Variants in CFAP299 observed in about 807,000 individuals in gnomAD.
CFAP299 encodes cilia- and flagella-associated protein 299.
Under a neutral mutation model 27.0 loss-of-function variants are expected in CFAP299, and 21 were observed. That is an observed-to-expected ratio of 0.78 (90% CI 0.55 to 1.12). The LOEUF is 1.12. Among genes scored for constraint, CFAP299 ranks in the 50% most tolerant of loss-of-function variants. The probability of loss-of-function intolerance (pLI) is 0.00; values close to 1 mark genes in which losing one functional copy is unlikely to be tolerated. For missense variants in CFAP299, 310 were observed against 276.6 expected (o/e 1.12, Z -0.86); for synonymous variants, 104 against 98.1 (o/e 1.06, Z -0.36).
intron 4 of CFAP299, among the ~76,000 whole-genome samples, chr4:80,930,251 G>A (rs1736550076): frequency 6.6e-6 from 1 of 152,062 alleles, no homozygotes; most frequent in Non-Finnish European, 1.5e-5. Context: ...CCCCAGTAAG[G>A]GCTTGGAAGC....
At chr4:80,643,635 G>A (rs1234094509) in intron 3 of CFAP299, among the ~76,000 whole-genome samples, 1 of 152,100 alleles carries the variant, frequency 6.6e-6, no homozygotes, top group Non-Finnish European at 1.5e-5. Context: ...ATATGAAGAC[G>A]GGTGATTCAT....
At chr4:80,461,248 T>C (rs984403662) in intron 2 of CFAP299, among the ~76,000 whole-genome samples, 1 of 152,076 alleles carries the variant, frequency 6.6e-6, no homozygotes, top group African/African-American at 2.4e-5. Context: ...AATTCTCTCT[T>C]GGATCAAAGA....
chr4:80,930,970 A>G (rs1345271640), intron 4 of CFAP299, among the ~76,000 whole-genome samples: 1 of 151,712 alleles, frequency 6.6e-6, no homozygotes. Context: ...CTGTCTTTTC[A>G]TAGCATTCCA....
intron 3 of CFAP299, among the ~76,000 whole-genome samples, chr4:80,712,110 T>A (rs1722210102): frequency 6.6e-6 from 1 of 152,186 alleles, no homozygotes; most frequent in Non-Finnish European, 1.5e-5. Flanking sequence ...GGCTTACACA[T>A]GCTGAGGCCA....
At chr4:80,875,050 GA>G (rs1733300422) in intron 4 of CFAP299, among the ~76,000 whole-genome samples, 1 of 151,924 alleles carries the variant, frequency 6.6e-6, no homozygotes, top group Non-Finnish European at 1.5e-5. Context: ...GCGACTACTA[GA>G]AAATTCAAAA....
At chr4:80,837,914 A>G (rs1030115608) in intron 3 of CFAP299, among the ~76,000 whole-genome samples, 1 of 152,162 alleles carries the variant, frequency 6.6e-6, no homozygotes, top group African/African-American at 2.4e-5. Context: ...CTATTTCTCC[A>G]CATCCTCTCC....
chr4:80,472,471 T>C (rs1384595392), intron 2 of CFAP299, among the ~76,000 whole-genome samples: 2 of 152,168 alleles, frequency 1.3e-5, no homozygotes, highest in African/African-American at 4.8e-5. Context: ...GGGAATGCAT[T>C]GGCCTTTTGA....
At chr4:80,565,355 A>C (rs926471018) in intron 2 of CFAP299, among the ~76,000 whole-genome samples, 3 of 152,096 alleles carry the variant, frequency 2.0e-5, no homozygotes, top group African/African-American at 7.2e-5. Context: ...ATATAATGTT[A>C]AGTAAAAAAG....
intron 5 of CFAP299, among the ~76,000 whole-genome samples, chr4:80,945,935 C>T (rs970472508): frequency 6.6e-6 from 1 of 151,912 alleles, no homozygotes; most frequent in Non-Finnish European, 1.5e-5. Flanking sequence ...GGGCAGATCA[C>T]CTGAGGTCAG....
chr4:80,594,506 T>A (rs1290680566), intron 3 of CFAP299, among the ~76,000 whole-genome samples: 2 of 152,190 alleles, frequency 1.3e-5, no homozygotes, highest in Non-Finnish European at 2.9e-5. Flanking sequence ...ATTAGTTTTT[T>A]ATTTTTCTTT....
chr4:80,861,330 A>C (rs1292599486), intron 3 of CFAP299, among the ~76,000 whole-genome samples: 1 of 152,148 alleles, frequency 6.6e-6, no homozygotes, highest in Non-Finnish European at 1.5e-5. Context: ...TTCTTTGACT[A>C]GGAACGGGAA....
chr4:80,899,485 G>A (rs145572606), intron 4 of CFAP299, among the ~76,000 whole-genome samples: 13 of 152,190 alleles, frequency 8.5e-5, no homozygotes, highest in African/African-American at 2.2e-4. Flanking sequence ...AAAAGGAAAC[G>A]TAGAGCACAA....
At chr4:80,954,576 A>G (rs1737953962) in intron 5 of CFAP299, among the ~76,000 whole-genome samples, 1 of 152,198 alleles carries the variant, frequency 6.6e-6, no homozygotes, top group Non-Finnish European at 1.5e-5. Flanking sequence ...AGTGGAAAAG[A>G]AAAACACAGT....
chr4:80,946,560 C>A (rs1306284605), intron 5 of CFAP299, among the ~76,000 whole-genome samples: 2 of 152,056 alleles, frequency 1.3e-5, no homozygotes, highest in African/African-American at 4.8e-5. Context: ...GACAATGCAC[C>A]CAGCTAAAAA....
intron 3 of CFAP299, among the ~76,000 whole-genome samples, chr4:80,797,290 T>C (rs900760773): frequency 1.2e-4 from 18 of 152,158 alleles, no homozygotes; most frequent in African/African-American, 4.3e-4. Flanking sequence ...TCAAAGGGTT[T>C]TGGGTCTGTA....
intron 3 of CFAP299, among the ~76,000 whole-genome samples, chr4:80,859,634 G>T (rs1195040757): frequency 1.3e-5 from 2 of 151,984 alleles, no homozygotes; most frequent in Non-Finnish European, 2.9e-5. Context: ...GCATTTGCTT[G>T]TCTATAAAAT....
chr4:80,478,094 C>G (rs1730371140), intron 2 of CFAP299, among the ~76,000 whole-genome samples: 1 of 152,200 alleles, frequency 6.6e-6, no homozygotes, highest in African/African-American at 2.4e-5. Context: ...AAAACTATCT[C>G]CTTCCTCATA....
chr4:80,360,559 T>C (rs1373466896), intron 1 of CFAP299, among the ~76,000 whole-genome samples: 2 of 152,226 alleles, frequency 1.3e-5, no homozygotes, highest in East Asian at 3.8e-4. Flanking sequence ...ATGTTTGTCG[T>C]ATATCTTTAG....
At chr4:80,439,180 A>T (rs1400078292) in intron 2 of CFAP299, among the ~76,000 whole-genome samples, 1 of 152,172 alleles carries the variant, frequency 6.6e-6, no homozygotes, top group Non-Finnish European at 1.5e-5. Context: ...AATTGAGAAC[A>T]ATATTAAGTT....
Sources: gnomAD v4.1 joint callset for allele counts (sites outside exome capture counted in the v4.1 genomes callset) on GRCh38, gnomAD v4.1.1 for gene constraint, MANE v1.5 for transcripts, NCBI Gene and HGNC (gene_info 2026-07-23, HGNC 2026-07-21) for gene names.